Variants in USP31 observed in about 807,000 individuals in gnomAD.
USP31 encodes ubiquitin carboxyl-terminal hydrolase 31.
USP31 carries 44 observed loss-of-function variants against 119.4 expected under a neutral mutation model. The ratio of observed to expected loss-of-function variants is 0.37; its 90% CI spans 0.29 to 0.47. USP31 has a LOEUF of 0.47. Among genes scored for constraint, USP31 ranks in the 20% least tolerant of loss-of-function variants. The probability of loss-of-function intolerance (pLI) is 0.99; values close to 1 mark genes in which losing one functional copy is unlikely to be tolerated. For missense variants in USP31, 1,643 were observed against 1,730.2 expected, an observed-to-expected ratio of 0.95 and a Z score of 0.89; for synonymous variants, 749 against 705.6, an observed-to-expected ratio of 1.06 and a Z score of -0.97.
chr16:23,131,887 A>G (rs1441485238), intron 1 of USP31, among the ~76,000 whole-genome samples: 2 of 152,206 alleles, frequency 1.3e-5, no homozygotes, highest in Non-Finnish European at 2.9e-5. Flanking sequence ...ATACTGAGCT[A>G]GTGATGTGTT....
chr16:23,124,538 C>T (rs913732617), intron 1 of USP31, among the ~76,000 whole-genome samples: 8 of 152,148 alleles, frequency 5.3e-5, no homozygotes, highest in Non-Finnish European at 8.8e-5. Flanking sequence ...AGCACTAGAA[C>T]ACTGGAGATA....
At chr16:23,117,568 C>G (rs1042911042) in intron 1 of USP31, among the ~76,000 whole-genome samples, 7 of 152,040 alleles carry the variant, frequency 4.6e-5, no homozygotes, top group African/African-American at 1.7e-4. Flanking sequence ...TGGATTCAGC[C>G]AGACAAACAA....
At chr16:23,143,124 C>T (rs1045493428) in intron 1 of USP31, among the ~76,000 whole-genome samples, 3 of 152,010 alleles carry the variant, frequency 2.0e-5, no homozygotes, top group Admixed American at 1.3e-4. Flanking sequence ...CACCACAAGG[C>T]ACCAAAGTTC....
chr16:23,148,602 G>C, intron 1 of USP31, 36 bp downstream of exon 1: 7 of 1,426,410 alleles, frequency 4.9e-6, no homozygotes, highest in Non-Finnish European at 6.4e-6. Context: ...CCAGGGGCTC[G>C]GGGTGCAGTG....
At position 23,148,902 on chromosome 16, in the gene USP31, C is replaced by T. The variant is rs756860730; in HGVS notation, c.369G>A (p.Pro123=). The T allele has an allele frequency of 1.9e-5, 27 of 1,407,308 alleles. No individual in the cohort carries two copies. In the Admixed American group the frequency reaches 2.3e-4, roughly 12 times the overall value. 87.2% of individuals were successfully genotyped at this position (1,407,308 alleles called of 1,614,324 possible). The stretch of plus-strand genomic sequence containing the variant: ...TGCGGAGCCCCGCCACGCCGGGCAC[C>T]GGCTCGGCGGCGCAAGCGGGCGGCG... ...SPAPPACAAE[P]VPGVAGLRNH... Residue 123 remains proline (P), a synonymous_variant, in exon 1 of 16, where the codon CCG becomes CCA. Transcript: ENST00000219689.
In USP31 at chr16:23,081,003, T is replaced by C. The variant is rs187849655; in HGVS notation, c.1951-832A>G. Among the ~76,000 whole-genome samples the C allele has an allele frequency of 9.7e-4, 147 of 151,636 alleles. 1 individual carries two copies. Among genetic ancestry groups the C allele is most frequent in the East Asian group, 1.4e-3 (7 of 5,150 alleles). On this transcript the variant is annotated intron_variant, in intron 12 of 15. Transcript: ENST00000219689. Reference sequence around the variant, plus strand: ...GCACAGAACATGTTAGAAATAGGAGTAATGGAGGTGAAAAATCAATTAAAA... The same window carrying C: ...GCACAGAACATGTTAGAAATAGGAGCAATGGAGGTGAAAAATCAATTAAAA...
intron 1 of USP31, among the ~76,000 whole-genome samples, chr16:23,130,942 G>A (rs537345809): frequency 6.6e-6 from 1 of 152,254 alleles, no homozygotes. Flanking sequence ...TTCCATTTTA[G>A]CTGTTAATTT....
Position 23,069,531 on chromosome 16 carries a change from G to A in USP31, c.2574C>T (p.Val858=). The change falls in exon 16 of 16, where the codon GTC becomes GTT. Residue 858 remains valine (V), a synonymous_variant. Transcript: ENST00000219689. ...ATGAAGGTCTCATGCAATTTTCATT[G>A]ACGGCCAAGGGGCTGGTGACAGAAG... ...SRSSVTSPLA[V]NENCMRPSWS... 6.2e-7 allele frequency: 1 copy of A among 1,614,180 alleles called. No individual in the cohort carries two copies. The highest frequency in any genetic ancestry group is 8.5e-7 in the Non-Finnish European group (1 of 1,180,004).
chr16:23,066,821 T>G lies in USP31; in HGVS notation c.*1225A>C, dbSNP rs965157711. On this transcript the variant is annotated 3_prime_UTR_variant, in exon 16 of 16. Coordinates refer to ENST00000219689, the MANE Select transcript of USP31 (RefSeq NM_020718.4). ...ACTGACACGGCCAGATGGAACACACTCCAAAACCTGCTTGTGAGTTCTGGG... is the reference window on the plus strand; with the variant it reads ...ACTGACACGGCCAGATGGAACACACGCCAAAACCTGCTTGTGAGTTCTGGG... The G allele has an allele frequency of 1.3e-5, 2 of 152,134 alleles. No homozygotes were observed. 9.4% of individuals were successfully genotyped at this position (152,134 alleles called of 1,614,324 possible). A position where few individuals can be genotyped will look rare whatever the true frequency, so the allele number is the denominator to read the frequency against.
chr16:23,144,652 G>A (rs1376444801), intron 1 of USP31, among the ~76,000 whole-genome samples: 1 of 151,844 alleles, frequency 6.6e-6, no homozygotes, highest in Non-Finnish European at 1.5e-5. Flanking sequence ...GCTACTTTTT[G>A]TATTTTTTTA....
intron 6 of USP31, among the ~76,000 whole-genome samples, chr16:23,092,280 T>C (rs1901398133): frequency 6.6e-6 from 1 of 152,244 alleles, no homozygotes; most frequent in African/African-American, 2.4e-5. Context: ...CACTTATAAA[T>C]AGAAGCTTAG....
chr16:23,090,606 A>T lies in USP31; in HGVS notation c.1415+18T>A. 1.3e-6 allele frequency: 2 copies of T among 1,589,762 alleles called. No homozygotes were observed. Among genetic ancestry groups the T allele is most frequent in the East Asian group, 4.5e-5 (2 of 44,392 alleles). On this transcript the variant is annotated intron_variant, in intron 7 of 15. Transcript: ENST00000219689. ...TGTTACAGTCTAGGTACTTACTGGA[A>T]AATAATCTGGTTCTCACCTTTTCCC...
chr16:23,149,106 G>A lies in USP31; in HGVS notation c.165C>T (p.Pro55=), dbSNP rs761501920. ...AGCTGCCCACCGAGCGTGCAGAGGA[G>A]GGCGAGGAGGGCGAGGAAGGCGCGG... ...GPAAPSSPSS[P]SSARSVGSFM... is the part of the protein sequence containing the mutation. Residue 55 remains proline, a synonymous_variant, in exon 1 of 16, where the codon CCC becomes CCT. Coordinates refer to ENST00000219689, the MANE Select transcript of USP31 (RefSeq NM_020718.4). 2.9e-5 allele frequency: 36 copies of A among 1,260,956 alleles called. No individual in the cohort carries two copies. In the South Asian group the frequency reaches 5.4e-4, roughly 19 times the overall value. The allele number at this position is 1,260,956 out of a possible 1,614,324, so 78.1% of individuals were successfully genotyped here. A position where few individuals can be genotyped will look rare whatever the true frequency, so the allele number is the denominator to read the frequency against.
chr16:23,124,314 C>G (rs1281425099), intron 1 of USP31, among the ~76,000 whole-genome samples: 1 of 152,106 alleles, frequency 6.6e-6, no homozygotes, highest in Non-Finnish European at 1.5e-5. Flanking sequence ...ATAATATGAT[C>G]AAGCCATCTA....
intron 1 of USP31, among the ~76,000 whole-genome samples, chr16:23,113,111 G>T (rs951692642): frequency 6.6e-6 from 1 of 152,072 alleles, no homozygotes; most frequent in African/African-American, 2.4e-5. Flanking sequence ...CAAACATGTA[G>T]GTGTCACTAT....
At position 23,071,738 on chromosome 16, in the gene USP31, A is replaced by C. The variant is rs574865067; in HGVS notation, c.2488+307T>G. On this transcript the variant is annotated intron_variant, in intron 15 of 15. Coordinates refer to ENST00000219689, the MANE Select transcript of USP31 (RefSeq NM_020718.4). ...TCTTCCAGCTATCCTGCTTTTTAAA[A>C]CACTTTGGGAAAAAAAAAAAAAAGT... 1.8e-3 allele frequency among the ~76,000 whole-genome samples: 90 copies of C among 50,456 alleles called. 1 individual carries two copies. In the South Asian group the frequency reaches 0.091, roughly 51 times the overall value. The allele number at this position is 50,456 out of a possible 152,430, so 33.1% of individuals were successfully genotyped here. A position where few individuals can be genotyped will look rare whatever the true frequency, so the allele number is the denominator to read the frequency against.
intron 14 of USP31, 164 bp from the exon 15 acceptor site, chr16:23,072,361 C>G: frequency 1.1e-6 from 1 of 882,724 alleles, no homozygotes; most frequent in Non-Finnish European, 1.8e-6. Flanking sequence ...CGTGCCTGTC[C>G]GAATATCCCC....
At chr16:23,112,384 G>A (rs543546153) in intron 1 of USP31, among the ~76,000 whole-genome samples, 11 of 152,126 alleles carry the variant, frequency 7.2e-5, no homozygotes, top group African/African-American at 2.4e-4. Flanking sequence ...TTCAAAACCA[G>A]CCTGACCAAC....
chr16:23,072,546 A>G, intron 14 of USP31: 3 of 571,290 alleles, frequency 5.3e-6, no homozygotes, highest in Non-Finnish European at 9.3e-6. Flanking sequence ...AAGCATCTAC[A>G]TGCCAGGCAC....
Sources: allele counts gnomAD v4.1 joint callset (sites outside exome capture counted in the v4.1 genomes callset), GRCh38; gene constraint gnomAD v4.1.1; transcripts MANE v1.5; gene names NCBI Gene and HGNC (gene_info 2026-07-23, HGNC 2026-07-21).